The following COL28A1 variants were observed in gnomAD, a reference collection of about 807,000 sequenced individuals.
The protein encoded by COL28A1 is collagen type XXVIII alpha 1 chain, also known as collagen alpha-1(XXVIII) chain.
A neutral mutation model predicts 150.2 loss-of-function variants in COL28A1; 161 were observed. The ratio of observed to expected loss-of-function variants is 1.07; its 90% CI spans 0.94 to 1.22. COL28A1 has a LOEUF of 1.22. COL28A1 is among the 50% of genes most tolerant of loss of function. The probability of loss-of-function intolerance (pLI) is 0.00; values close to 1 mark genes in which losing one functional copy is unlikely to be tolerated. For synonymous variants in COL28A1, 552 were observed against 469.7 expected (o/e 1.18, Z -2.26); for missense variants, 1,617 against 1,388.3 (o/e 1.16, Z -2.62).
intron 4 of COL28A1, among the ~76,000 whole-genome samples, chr7:7,523,628 T>A (rs1781863351): frequency 2.0e-5 from 3 of 152,158 alleles, no homozygotes; most frequent in Admixed American, 1.3e-4. Context: ...GCTCAGATGT[T>A]CCAAACTCTT....
At chr7:7,533,398 C>T (rs1782477824) in intron 1 of COL28A1, among the ~76,000 whole-genome samples, 1 of 152,068 alleles carries the variant, frequency 6.6e-6, no homozygotes, top group South Asian at 2.1e-4. Flanking sequence ...TAATACTACA[C>T]ACATAACTTC....
Position 7,358,451 on chromosome 7 carries a change from C to G in COL28A1, c.*182G>C, listed in dbSNP as rs1046343091. Reference sequence around the variant, plus strand: ...GTTACTAAACTTCTCAGAGCCTCAGCTTTCTTACCTATATAAGTGGTTAAT... The same window carrying G: ...GTTACTAAACTTCTCAGAGCCTCAGGTTTCTTACCTATATAAGTGGTTAAT... On this transcript the variant is annotated 3_prime_UTR_variant, in exon 35 of 35. Coordinates refer to ENST00000399429, the MANE Select transcript of COL28A1 (RefSeq NM_001037763.3). The G allele has an allele frequency of 7.9e-6, 4 of 507,572 alleles. No homozygotes were observed. Among genetic ancestry groups the G allele is most frequent in the Admixed American group, 3.9e-5 (1 of 25,478 alleles). 31.4% of individuals were successfully genotyped at this position (507,572 alleles called of 1,614,324 possible).
In COL28A1 at chr7:7,486,280, A is replaced by G. The variant is rs147519841; in HGVS notation, c.1164+3109T>C. On this transcript the variant is annotated intron_variant, in intron 13 of 34. Transcript: ENST00000399429. ...TATACAGAAATTAAATAGATTTTGT[A>G]TGTTGATATTGTACCCTGTGACCTT... is the stretch of plus-strand genomic sequence containing the variant. Among the ~76,000 whole-genome samples, 703 of 152,238 alleles carry G rather than the reference A, an allele frequency of 4.6e-3. 5 individuals are homozygous for G. Among genetic ancestry groups the G allele is most frequent in the East Asian group, 0.022 (115 of 5,190 alleles).
intron 14 of COL28A1, among the ~76,000 whole-genome samples, chr7:7,476,664 T>A (rs569916605): frequency 1.4e-4 from 22 of 152,330 alleles, no homozygotes; most frequent in African/African-American, 4.6e-4. Flanking sequence ...AAAAAGGAAG[T>A]CTTTCATAAC....
At chr7:7,540,782 T>A (rs1452082772), upstream of COL28A1, among the ~76,000 whole-genome samples, 1 of 152,142 alleles carries the variant, frequency 6.6e-6, no homozygotes, top group Non-Finnish European at 1.5e-5. Context: ...ACTGTGTAAA[T>A]CTTAGTGCCT....
At chr7:7,498,916 A>T (rs549271535) in intron 11 of COL28A1, among the ~76,000 whole-genome samples, 16 of 152,232 alleles carry the variant, frequency 1.1e-4, no homozygotes, top group East Asian at 3.9e-4. Context: ...ACACGCACAC[A>T]CACACACACA....
chr7:7,518,961 C>G (rs934973000), intron 6 of COL28A1, among the ~76,000 whole-genome samples: 2 of 152,138 alleles, frequency 1.3e-5, no homozygotes, highest in African/African-American at 2.4e-5. Flanking sequence ...GAAATTAACT[C>G]AGTGTACTGT....
At chr7:7,478,506 G>A (rs1039123674) in intron 13 of COL28A1, among the ~76,000 whole-genome samples, 9 of 152,246 alleles carry the variant, frequency 5.9e-5, no homozygotes, top group African/African-American at 2.2e-4. Flanking sequence ...GCATGGGCTC[G>A]CAGGTGGAGC....
chr7:7,418,070 C>G, intron 26 of COL28A1, 143 bp from the exon 27 acceptor site: 1 of 594,838 alleles, frequency 1.7e-6, no homozygotes, highest in African/African-American at 1.9e-5. Context: ...TCCTATTTTA[C>G]TTAGAGTGCT....
chr7:7,403,403 T>C (rs1783325184), intron 27 of COL28A1, among the ~76,000 whole-genome samples: 1 of 152,216 alleles, frequency 6.6e-6, no homozygotes, highest in Non-Finnish European at 1.5e-5. Context: ...AACGCCTCTT[T>C]TGACTTGTTT....
At chr7:7,527,403 T>C (rs1782086469) in intron 3 of COL28A1, among the ~76,000 whole-genome samples, 1 of 152,186 alleles carries the variant, frequency 6.6e-6, no homozygotes, top group Admixed American at 6.5e-5. Context: ...CCATTGATGG[T>C]ATGCTGTCCT....
At chr7:7,492,161 G>A (rs1210112290) in intron 11 of COL28A1, among the ~76,000 whole-genome samples, 2 of 152,136 alleles carry the variant, frequency 1.3e-5, no homozygotes, top group African/African-American at 4.8e-5. Flanking sequence ...GATGAAGGGA[G>A]ATAAAGGAGT....
At chr7:7,525,590 T>G (rs1220896441) in intron 3 of COL28A1, among the ~76,000 whole-genome samples, 1 of 152,188 alleles carries the variant, frequency 6.6e-6, no homozygotes, top group Non-Finnish European at 1.5e-5. Context: ...TGCAAGATAT[T>G]AAAAATGCAG....
intron 15 of COL28A1, among the ~76,000 whole-genome samples, chr7:7,464,099 A>C (rs185741359): frequency 6.6e-6 from 1 of 152,360 alleles, no homozygotes; most frequent in Admixed American, 6.5e-5. Context: ...GCCTTGTCCA[A>C]CAGGAAAACA....
At chr7:7,370,386 C>T (rs1781162167) in intron 33 of COL28A1, among the ~76,000 whole-genome samples, 1 of 152,112 alleles carries the variant, frequency 6.6e-6, no homozygotes, top group South Asian at 2.1e-4. Flanking sequence ...GTATGAAAGG[C>T]ACTGCACAGC....
In COL28A1 at chr7:7,358,679, C is replaced by T; in HGVS notation, c.3332G>A (p.Arg1111Lys). The T allele has an allele frequency of 6.2e-7, 1 of 1,614,020 alleles. No individual in the cohort carries two copies. The highest frequency in any genetic ancestry group is 8.5e-7 in the Non-Finnish European group (1 of 1,179,952). The change falls in exon 35 of 35, where the codon AGA becomes AAA. Residue 1111 changes from arginine (R) to lysine (K), a missense_variant. Transcript: ENST00000399429. The part of the protein sequence containing the change: ...WFSGCNGSGN[R>K]FNSEKECQET... ...TTGACATTCCTTTTCACTGTTGAATCTATTTCCTGAGCCATTACAGCCACT... is the reference window on the plus strand; with the variant it reads ...TTGACATTCCTTTTCACTGTTGAATTTATTTCCTGAGCCATTACAGCCACT...
downstream of COL28A1, among the ~76,000 whole-genome samples, chr7:7,352,475 C>A (rs952525127): frequency 3.3e-5 from 5 of 152,260 alleles, no homozygotes; most frequent in African/African-American, 1.2e-4. Flanking sequence ...CAGGTGAGCC[C>A]AATCTAATCA....
chr7:7,392,248 G>T (rs1441253560), intron 27 of COL28A1, among the ~76,000 whole-genome samples: 3 of 152,146 alleles, frequency 2.0e-5, no homozygotes. Flanking sequence ...GCTTAGTTTG[G>T]CTGGATATGA....
chr7:7,422,379 C>T (rs1353056278), intron 25 of COL28A1, among the ~76,000 whole-genome samples: 1 of 152,102 alleles, frequency 6.6e-6, no homozygotes, highest in Non-Finnish European at 1.5e-5. Context: ...ACCTGTAATC[C>T]CACCACTCTG....
Sources: allele counts gnomAD v4.1 joint callset (sites outside exome capture counted in the v4.1 genomes callset), GRCh38; gene constraint gnomAD v4.1.1; transcripts MANE v1.5; gene names NCBI Gene and HGNC (gene_info 2026-07-23, HGNC 2026-07-21).